The following PCNX3 variants were observed in gnomAD, a reference collection of about 807,000 sequenced individuals.
PCNX3 encodes the protein pecanex-like protein 3.
In PCNX3, 58 loss-of-function variants were observed where a neutral mutation model predicts 207.2. That is an observed-to-expected ratio of 0.28 (90% CI 0.23 to 0.35). The LOEUF (loss-of-function observed/expected upper bound fraction) is 0.35. PCNX3 is among the 10% of genes least tolerant of loss of function. The pLI, the probability that PCNX3 is intolerant of heterozygous loss-of-function variation, is 1.00. For synonymous variants in PCNX3, 1,337 were observed against 1,183.5 expected, an observed-to-expected ratio of 1.13 and a Z score of -2.66; for missense variants, 2,410 against 2,774.4, an observed-to-expected ratio of 0.87 and a Z score of 2.95.
In PCNX3 at chr11:65,625,754, G is replaced by T. The variant is rs776102561; in HGVS notation, c.3228+10G>T. On this transcript the variant is annotated intron_variant, in intron 19 of 34. Transcript: ENST00000355703. The surrounding 1 kb of genome is among the most constrained non-coding windows in gnomAD (Gnocchi z 5.6). Reference sequence around the variant, plus strand: ...CTTTATTGCCCTGAAGGTTTGTGTGGCATGGGCCGCTGCTGCCTCTCGCTG... The same window carrying T: ...CTTTATTGCCCTGAAGGTTTGTGTGTCATGGGCCGCTGCTGCCTCTCGCTG... The T allele has an allele frequency of 1.9e-6, 3 of 1,606,302 alleles. No homozygotes were observed. Among genetic ancestry groups the T allele is most frequent in the Admixed American group, 1.7e-5 (1 of 59,750 alleles).
Position 65,630,548 on chromosome 11 carries a change from G to A in PCNX3, c.4414G>A (p.Ala1472Thr). 1 of 1,613,420 alleles carries A rather than the reference G, an allele frequency of 6.2e-7. No individual in the cohort carries two copies. Among genetic ancestry groups the A allele is most frequent in the African/African-American group, 1.3e-5 (1 of 75,034 alleles). ...EGYSISDNNA[A>T]SMLQVFDLRK... is the part of the protein sequence containing the mutation. ...CTATAGCATTAGTGACAATAATGCT[G>A]CCTCCATGCTGCAGGTTTTCGACCT... is the stretch of plus-strand genomic sequence containing the variant. Residue 1472 changes from alanine to threonine, a missense_variant, in exon 27 of 35, where the codon GCC becomes ACC. Physicochemically the swap from Ala to Thr is moderately conservative, Grantham distance 58. This residue lies in a region of PCNX3 where 420 missense variants were observed against 705.3 expected (regional missense o/e 0.60). Transcript: ENST00000355703.
intron 20 of PCNX3, 115 bp from the exon 21 acceptor site, chr11:65,626,789 C>T: frequency 1.4e-6 from 2 of 1,460,070 alleles, no homozygotes; most frequent in Non-Finnish European, 1.8e-6. Context: ...ATCAGCCCCT[C>T]CCCCCAGGGT....
chr11:65,636,787 A>C lies in PCNX3; in HGVS notation c.5914A>C (p.Ser1972Arg), dbSNP rs1590912110. ...CCAGGCGCCTCTAGACCTCAGCCTC[A>C]GCCTCAGCCTCAGCCTCAGCCCCGA... ...KSQAPLDLSL[S>R]LSLSLSPDVS... Residue 1972 changes from serine (S) to arginine (R), a missense_variant, in exon 35 of 35, where the codon AGC becomes CGC. Around this residue, in one of 8 missense-constraint regions of PCNX3, gnomAD observed 278 missense variants for 245.1 expected, o/e 1.13. Transcript: ENST00000355703. 1 of 1,525,936 alleles carries C rather than the reference A, an allele frequency of 6.6e-7. No homozygotes were observed. Among genetic ancestry groups the C allele is most frequent in the South Asian group, 1.2e-5 (1 of 83,202 alleles). The allele number at this position is 1,525,936 out of a possible 1,614,324, so 94.5% of individuals were successfully genotyped here.
chr11:65,616,868 G>T lies in PCNX3; in HGVS notation c.198G>T (p.Val66=), dbSNP rs757311110. 1 of 1,613,644 alleles carries T rather than the reference G, an allele frequency of 6.2e-7. No individual in the cohort carries two copies. The highest frequency in any genetic ancestry group is 1.1e-5 in the South Asian group (1 of 91,086). ...TGGTGGCCGGCGTGTACTGCCTCGTGGTGGCTGTCATCTTTGCTACTATCA... is the reference window on the plus strand; with the variant it reads ...TGGTGGCCGGCGTGTACTGCCTCGTTGTGGCTGTCATCTTTGCTACTATCA... ...SLMVAGVYCL[V]VAVIFATIKT... is the part of the protein sequence containing the mutation. The change falls in exon 2 of 35, where the codon GTG becomes GTT. Residue 66 remains valine, a synonymous_variant. Coordinates refer to ENST00000355703, the MANE Select transcript of PCNX3 (RefSeq NM_032223.4).
At chr11:65,632,807 C>A in intron 27 of PCNX3, among the ~76,000 whole-genome samples, 2 of 151,034 alleles carry the variant, frequency 1.3e-5, no homozygotes, top group Non-Finnish European at 2.9e-5. Flanking sequence ...TGCAGTGGTG[C>A]CATCTGGGTT....
At chr11:65,631,802 A>C (rs1020097624) in intron 27 of PCNX3, among the ~76,000 whole-genome samples, 19 of 152,000 alleles carry the variant, frequency 1.3e-4, no homozygotes, top group Admixed American at 4.6e-4. Flanking sequence ...TGGGTGGCCT[A>C]CTGGGGCCCA....
In PCNX3 at chr11:65,617,369, A is replaced by G. The variant is rs1854796195; in HGVS notation, c.441+20A>G. On this transcript the variant is annotated intron_variant, in intron 3 of 34. Transcript: ENST00000355703. ...GTCTCGGTGAGTGGGCCTGGACCTCAGCTTGTCCTCCTGTCCCTCTGCGAG... is the reference window on the plus strand; with the variant it reads ...GTCTCGGTGAGTGGGCCTGGACCTCGGCTTGTCCTCCTGTCCCTCTGCGAG... 1 of 1,613,180 alleles carries G rather than the reference A, an allele frequency of 6.2e-7. No individual in the cohort carries two copies. The highest frequency in any genetic ancestry group is 8.5e-7 in the Non-Finnish European group (1 of 1,179,560).
chr11:65,624,050 G>C (rs1855251076), intron 13 of PCNX3, 89 bp downstream of exon 13: 2 of 1,587,090 alleles, frequency 1.3e-6, no homozygotes, highest in African/African-American at 2.7e-5. Flanking sequence ...TGGAGGGCTG[G>C]GGCTCCCTCA....
rs1479862654 is a variant in PCNX3, at chr11:65,623,575, C to T, written c.2442C>T (p.Gly814=). ...AFLGYLLLLK[G]FFTDIWVFQF... is the part of the protein sequence containing the mutation. ...TGGGCTACCTGCTGCTGCTCAAGGGCTTCTTCACTGACATCTGGGTCTTCC... is the reference window on the plus strand; with the variant it reads ...TGGGCTACCTGCTGCTGCTCAAGGGTTTCTTCACTGACATCTGGGTCTTCC... Residue 814 remains glycine, a synonymous_variant, in exon 12 of 35, where the codon GGC becomes GGT. Coordinates refer to ENST00000355703, the MANE Select transcript of PCNX3 (RefSeq NM_032223.4). 1 of 1,613,986 alleles carries T rather than the reference C, an allele frequency of 6.2e-7. No homozygotes were observed. The highest frequency in any genetic ancestry group is 2.2e-5 in the East Asian group (1 of 44,882).
At chr11:65,636,369 C>A in intron 33 of PCNX3, 22 bp from the exon 34 acceptor site, 2 of 1,579,200 alleles carry the variant, frequency 1.3e-6, no homozygotes. Flanking sequence ...GAGGCCTCTG[C>A]TGTCTTATCT....
At position 65,636,192 on chromosome 11, in the gene PCNX3, C is replaced by A. The variant is rs1489725045; in HGVS notation, c.5478C>A (p.Gly1826=). ...RTWERLHKGC[G]AGCNSGGNVD... ...CCCCCAGGCTTCACAAGGGCTGTGGCGCCGGCTGCAATAGTGGCGGGAACG... is the reference window on the plus strand; with the variant it reads ...CCCCCAGGCTTCACAAGGGCTGTGGAGCCGGCTGCAATAGTGGCGGGAACG... Residue 1826 remains glycine, a synonymous_variant, in exon 33 of 35, where the codon GGC becomes GGA. Coordinates refer to ENST00000355703, the MANE Select transcript of PCNX3 (RefSeq NM_032223.4). The A allele has an allele frequency of 6.2e-7, 1 of 1,602,576 alleles. No homozygotes were observed. Among genetic ancestry groups the A allele is most frequent in the Non-Finnish European group, 8.5e-7 (1 of 1,174,526 alleles).
chr11:65,625,697 G>A lies in PCNX3; in HGVS notation c.3181G>A (p.Val1061Met), dbSNP rs772758530. The A allele has an allele frequency of 8.7e-6, 14 of 1,612,198 alleles. No homozygotes were observed. Among genetic ancestry groups the A allele is most frequent in the African/African-American group, 5.3e-5 (4 of 74,920 alleles). ...SDLVMCVVIAVLTFAISASTV... is the reference protein window; with the variant it reads ...SDLVMCVVIAMLTFAISASTV... ...CCTGGTGATGTGTGTGGTGATCGCC[G>A]TGCTCACCTTCGCCATCAGCGCCAG... The change falls in exon 19 of 35, where the codon GTG becomes ATG. Residue 1061 changes from valine to methionine, a missense_variant. Val to Met is a conservative substitution (Grantham distance 21). This residue lies in a region of PCNX3 where 333 missense variants were observed against 386.8 expected (regional missense o/e 0.86). Transcript: ENST00000355703. This position sits in a 1 kb window ranked among gnomAD's most constrained non-coding sequence, Gnocchi z 5.6.
At chr11:65,623,454 G>A (rs771411195) in intron 11 of PCNX3, 37 bp from the exon 12 acceptor site, 1 of 1,548,002 alleles carries the variant, frequency 6.5e-7, no homozygotes, top group South Asian at 1.2e-5. Flanking sequence ...GGAAGGTGAG[G>A]CAAGACGGGC....
intron 22 of PCNX3, among the ~76,000 whole-genome samples, chr11:65,627,980 C>T (rs1395601623): frequency 6.6e-6 from 1 of 152,196 alleles, no homozygotes; most frequent in Non-Finnish European, 1.5e-5. Context: ...CCCCTAGTGC[C>T]TGGGTGTGTA....
intron 2 of PCNX3, 63 bp downstream of exon 2, chr11:65,617,074 A>C (rs955225721): frequency 6.7e-7 from 1 of 1,487,232 alleles, no homozygotes; most frequent in Admixed American, 2.0e-5. Flanking sequence ...GGAACCTTGC[A>C]GGGTGGAGTA....
At position 65,620,935 on chromosome 11, in the gene PCNX3, A is replaced by G; in HGVS notation, c.2204A>G (p.Gln735Arg). Reference sequence around the variant, plus strand: ...AGGCCTGTGGTTCTGCAGGGCATGCAGGTGCGCCGGGTGCCCCTGGAGATC... The same window carrying G: ...AGGCCTGTGGTTCTGCAGGGCATGCGGGTGCGCCGGGTGCCCCTGGAGATC... ...QPRPVVLQGMQVRRVPLEIPE... is the reference protein window; with the variant it reads ...QPRPVVLQGMRVRRVPLEIPE... The change falls in exon 10 of 35, where the codon CAG becomes CGG. Residue 735 changes from glutamine to arginine, a missense_variant. Coordinates refer to ENST00000355703, the MANE Select transcript of PCNX3 (RefSeq NM_032223.4). The G allele has an allele frequency of 2.6e-6, 4 of 1,553,502 alleles. No homozygotes were observed. Among genetic ancestry groups the G allele is most frequent in the Non-Finnish European group, 3.5e-6 (4 of 1,148,682 alleles).
At chr11:65,619,692 C>G in intron 7 of PCNX3, 32 bp downstream of exon 7, 17 of 1,573,430 alleles carry the variant, frequency 1.1e-5, no homozygotes, top group Non-Finnish European at 1.3e-5. Context: ...CCGAGGGGCA[C>G]CGGGGGCCGG....
chr11:65,624,943 C>T lies in PCNX3; in HGVS notation c.2846C>T (p.Thr949Met), dbSNP rs762370905. ...CACACAGCTGCCACCAGCCCGCTCA[C>T]GGCAGTCTTCAGCCTCTCCCGCAGC... ...FGGTAATSPL[T>M]AVFSLSRSLL... Residue 949 changes from threonine (T) to methionine (M), a missense_variant, in exon 16 of 35, where the codon ACG (threonine) becomes ATG (methionine). Transcript: ENST00000355703. The T allele has an allele frequency of 4.6e-5, 74 of 1,610,926 alleles. 1 individual carries two copies. The South Asian group carries it at 5.9e-4, about 13-fold the overall frequency.
rs745803219 is a variant in PCNX3 at position 65,635,535 on chromosome 11, C to T, written c.5191C>T (p.Arg1731Trp). The T allele has an allele frequency of 1.9e-6, 3 of 1,610,470 alleles. No individual in the cohort carries two copies. Among genetic ancestry groups the T allele is most frequent in the South Asian group, 2.2e-5 (2 of 90,976 alleles). The change falls in exon 32 of 35, where the codon CGG (arginine) becomes TGG (tryptophan). Residue 1731 changes from arginine to tryptophan, a missense_variant. Physicochemically the swap from Arg to Trp is moderately radical, Grantham distance 101. Coordinates refer to ENST00000355703, the MANE Select transcript of PCNX3 (RefSeq NM_032223.4). This position sits in a 1 kb window ranked among gnomAD's most constrained non-coding sequence, Gnocchi z 9.9. ...CCTGGCGTGTGGCTCTCAGGTGAAC[C>T]GGGAGTGCGTGCGCGGCCTGTGGGC... is the stretch of plus-strand genomic sequence containing the variant. ...HLSFRVIKVN[R>W]ECVRGLWAGQ...
Sources: gnomAD v4.1 joint callset for allele counts (sites outside exome capture counted in the v4.1 genomes callset) on GRCh38, gnomAD v4.1.1 for gene constraint, gnomAD v4.1.1 regional missense constraint, Gnocchi (gnomAD v3.1) non-coding constraint, MANE v1.5 for transcripts, NCBI Gene and HGNC (gene_info 2026-07-23, HGNC 2026-07-21) for gene names.